The following TUFT1 variants were observed in gnomAD, a reference collection of about 807,000 sequenced individuals.
The protein encoded by TUFT1 is tuftelin.
Under a neutral mutation model 57.8 loss-of-function variants are expected in TUFT1, and 43 were observed. That is an observed-to-expected ratio of 0.74 (90% CI 0.58 to 0.96). The LOEUF (loss-of-function observed/expected upper bound fraction) is 0.96. TUFT1 is among the 40% of genes least tolerant of loss of function. The probability of loss-of-function intolerance (pLI) is 0.00; values close to 1 mark genes in which losing one functional copy is unlikely to be tolerated. For synonymous variants in TUFT1, 166 were observed against 176.7 expected (o/e 0.94, Z 0.48); for missense variants, 459 against 489.0 (o/e 0.94, Z 0.58).
At chr1:151,558,015 G>T in intron 1 of TUFT1, 3 of 435,222 alleles carry the variant, frequency 6.9e-6, no homozygotes, top group South Asian at 3.6e-5. Flanking sequence ...AAACCTAAGA[G>T]GGGAAGGAAA....
At chr1:151,557,168 A>G (rs762958025) in intron 1 of TUFT1, among the ~76,000 whole-genome samples, 1 of 152,134 alleles carries the variant, frequency 6.6e-6, no homozygotes, top group Non-Finnish European at 1.5e-5. Context: ...TAGGTATTAT[A>G]CATTATGTAT....
At chr1:151,555,776 CA>C (rs776491723) in intron 1 of TUFT1, among the ~76,000 whole-genome samples, 3,788 of 70,382 alleles carry the variant, frequency 0.054, 40 homozygotes, top group East Asian at 0.092. Flanking sequence ...GACTCCGTCT[CA>C]AAAAAAAAAA....
intron 7 of TUFT1, among the ~76,000 whole-genome samples, chr1:151,572,081 G>C (rs1294110781): frequency 6.6e-6 from 1 of 152,114 alleles, no homozygotes; most frequent in East Asian, 1.9e-4. Context: ...CATGCCTGTG[G>C]TTCCAGCTAC....
rs748013747 is a variant in TUFT1 at position 151,579,696 on chromosome 1, G to T, written c.972G>T (p.Gln324His). The change falls in exon 11 of 13, where the codon CAG becomes CAT. Residue 324 changes from glutamine (Q) to histidine (H), a missense_variant. Physicochemically the swap from Gln to His is conservative, Grantham distance 24. Transcript: ENST00000368849. ...AVIQSKDATI[Q>H]ELKEKIAYLE... ...TCCAGTCAAAGGACGCCACCATCCA[G>T]GAGCTCAAGGAGAAAATCGCCTATC... is the stretch of plus-strand genomic sequence containing the variant. 1.2e-6 allele frequency: 2 copies of T among 1,614,032 alleles called. No homozygotes were observed. The highest frequency in any genetic ancestry group is 1.7e-6 in the Non-Finnish European group (2 of 1,179,990).
At chr1:151,542,294 C>G (rs1003845626) in intron 1 of TUFT1, among the ~76,000 whole-genome samples, 3 of 151,956 alleles carry the variant, frequency 2.0e-5, no homozygotes, top group Non-Finnish European at 2.9e-5. Context: ...GATCTCAGCT[C>G]ACTGCAACCT....
rs755034085 is a variant in TUFT1, at chr1:151,569,641, C to A, written c.481-16C>A. Reference sequence around the variant, plus strand: ...AACTTGAGGGCTTCCCCTTCCCTTCCTTGTTCTGGCTGTAGGTGGACACCT... The same window carrying A: ...AACTTGAGGGCTTCCCCTTCCCTTCATTGTTCTGGCTGTAGGTGGACACCT... On this transcript the variant is annotated splice_polypyrimidine_tract_variant and intron_variant, in intron 6 of 12. Transcript: ENST00000368849. The A allele has an allele frequency of 2.5e-6, 4 of 1,608,834 alleles. No homozygotes were observed. In the South Asian group the frequency reaches 4.4e-5, roughly 18 times the overall value.
chr1:151,567,320 C>T (rs1327293144), intron 6 of TUFT1, among the ~76,000 whole-genome samples: 1 of 152,018 alleles, frequency 6.6e-6, no homozygotes, highest in Non-Finnish European at 1.5e-5. Flanking sequence ...CTCAGGTAGT[C>T]CTCCTGCCTC....
chr1:151,554,967 G>C (rs1326001649), intron 1 of TUFT1, among the ~76,000 whole-genome samples: 1 of 148,168 alleles, frequency 6.7e-6, no homozygotes, highest in East Asian at 2.1e-4. Context: ...GCCTCCCAAA[G>C]TGCTGGGGTT....
At chr1:151,573,003 T>G (rs1470304317) in intron 7 of TUFT1, among the ~76,000 whole-genome samples, 1 of 152,216 alleles carries the variant, frequency 6.6e-6, no homozygotes, top group East Asian at 1.9e-4. Flanking sequence ...AGTATCTGGG[T>G]GCTAGCACTG....
intron 6 of TUFT1, 83 bp downstream of exon 6, chr1:151,566,311 T>G (rs1473946713): frequency 6.1e-6 from 5 of 822,072 alleles, no homozygotes; most frequent in Non-Finnish European, 9.5e-6. Context: ...TATTGCTTTC[T>G]CTCTCTCTCT....
chr1:151,578,823 G>C lies in TUFT1; in HGVS notation c.921G>C (p.Glu307Asp). Residue 307 changes from glutamate to aspartate, a missense_variant, in exon 10 of 13, where the codon GAG (glutamate) becomes GAC (aspartate). Glu to Asp is a conservative substitution (Grantham distance 45). Transcript: ENST00000368849. ...SQQRKVRQMI[E>D]QLQNSKAVIQ... The stretch of plus-strand genomic sequence containing the variant: ...AGCGGAAAGTCCGGCAAATGATAGA[G>C]CAGGTAAGTTGGGCTGGTTTGTAAC... The C allele has an allele frequency of 6.4e-7, 1 of 1,561,740 alleles. No individual in the cohort carries two copies. Among genetic ancestry groups the C allele is most frequent in the Non-Finnish European group, 8.7e-7 (1 of 1,151,700 alleles).
intron 9 of TUFT1, among the ~76,000 whole-genome samples, chr1:151,578,334 A>G (rs982706533): frequency 3.9e-5 from 6 of 151,918 alleles, no homozygotes; most frequent in African/African-American, 7.3e-5. Context: ...TTGTGAGACA[A>G]AGTCTTGCTC....
chr1:151,557,562 G>A, intron 1 of TUFT1: 1 of 1,142,486 alleles, frequency 8.8e-7, no homozygotes. Context: ...ACAAGGATGT[G>A]CCCAATCTTC....
intron 1 of TUFT1, among the ~76,000 whole-genome samples, chr1:151,545,071 G>C (rs569332276): frequency 6.6e-6 from 1 of 151,756 alleles, no homozygotes; most frequent in East Asian, 1.9e-4. Flanking sequence ...AGCACTTTGG[G>C]AGGCTGAGGC....
intron 2 of TUFT1, 32 bp from the exon 3 acceptor site, chr1:151,562,553 T>TCC (rs1020760224): frequency 1.3e-5 from 21 of 1,590,254 alleles, no homozygotes; most frequent in Non-Finnish European, 1.8e-5. Flanking sequence ...CATCTCTCTC[T>TCC]CTCTCTCTCT....
intron 4 of TUFT1, 23 bp from the exon 5 acceptor site, chr1:151,564,502 A>G: frequency 3.8e-6 from 6 of 1,599,756 alleles, no homozygotes; most frequent in Non-Finnish European, 5.1e-6. Context: ...CTAAAGCTCA[A>G]GTTTCTTCCC....
chr1:151,557,210 A>G (rs1665729955), intron 1 of TUFT1, among the ~76,000 whole-genome samples: 1 of 151,986 alleles, frequency 6.6e-6, no homozygotes, highest in African/African-American at 2.4e-5. Flanking sequence ...TGGTGTTGGC[A>G]TTTTACTAGT....
intron 1 of TUFT1, 59 bp downstream of exon 1, chr1:151,540,485 C>G: frequency 6.3e-7 from 1 of 1,594,190 alleles, no homozygotes; most frequent in South Asian, 1.1e-5. Flanking sequence ...CTAAGTCCGC[C>G]CCTTCCGTGC....
At chr1:151,559,790 TTC>T (rs1219365051) in intron 1 of TUFT1, among the ~76,000 whole-genome samples, 1 of 151,900 alleles carries the variant, frequency 6.6e-6, no homozygotes, top group Non-Finnish European at 1.5e-5. Flanking sequence ...TCCATACATT[TTC>T]TCATTTTCTT....
Sources: gnomAD v4.1 joint callset for allele counts (sites outside exome capture counted in the v4.1 genomes callset) on GRCh38, gnomAD v4.1.1 for gene constraint, MANE v1.5 for transcripts, NCBI Gene and HGNC (gene_info 2026-07-23, HGNC 2026-07-21) for gene names.